PPP2R2B: variants seen among roughly 807,000 people sequenced by gnomAD.
The protein encoded by PPP2R2B is serine/threonine-protein phosphatase 2A 55 kDa regulatory subunit B beta isoform.
PPP2R2B carries 5 observed loss-of-function variants against 46.0 expected under a neutral mutation model. The observed-to-expected ratio is 0.11, with a 90% CI of 0.06 to 0.23. PPP2R2B has a LOEUF of 0.23. PPP2R2B is among the 10% of genes least tolerant of loss of function. The pLI, the probability that PPP2R2B is intolerant of heterozygous loss-of-function variation, is 1.00. For missense variants in PPP2R2B, 367 were observed against 575.0 expected (o/e 0.64, Z 3.70); for synonymous variants, 215 against 206.7 (o/e 1.04, Z -0.34).
intron 1 of PPP2R2B, among the ~76,000 whole-genome samples, chr5:146,989,639 T>C (rs955942533): frequency 1.3e-5 from 2 of 152,036 alleles, no homozygotes; most frequent in Non-Finnish European, 2.9e-5. Context: ...AGAGCTAACA[T>C]TATATGGAAT....
intron 1 of PPP2R2B, among the ~76,000 whole-genome samples, chr5:146,914,825 G>A (rs1349540627): frequency 1.3e-5 from 2 of 152,188 alleles, no homozygotes; most frequent in Admixed American, 6.5e-5. Flanking sequence ...GTGGGAGTTG[G>A]CATATCTTGT....
At position 146,590,181 on chromosome 5, in the gene PPP2R2B, G is replaced by A. The variant is rs1204566022; in HGVS notation, c.1098C>T (p.Asp366=). 2 of 1,613,720 alleles carry A rather than the reference G, an allele frequency of 1.2e-6. No individual in the cohort carries two copies. The highest frequency in any genetic ancestry group is 1.7e-6 in the Non-Finnish European group (2 of 1,179,990). The part of the protein sequence containing the change: ...GSYNNFFRMF[D]RNTKRDVTLE... ...GGGTCACATCACGCTTGGTGTTTCT[G>A]TCGAACATCCTGAAGAAGTTGTTGT... is the stretch of plus-strand genomic sequence containing the variant. The change falls in exon 10 of 10, where the codon GAC becomes GAT. Residue 366 remains aspartate, a synonymous_variant. Coordinates refer to ENST00000394411, the MANE Select transcript of PPP2R2B (RefSeq NM_181675.4).
At chr5:146,633,621 T>C in intron 7 of PPP2R2B, among the ~76,000 whole-genome samples, 1 of 152,244 alleles carries the variant, frequency 6.6e-6, no homozygotes, top group Admixed American at 6.5e-5. Flanking sequence ...TTCAGAACTC[T>C]GTTGGTGTTG....
chr5:147,044,740 A>G (rs1438403740), intron 1 of PPP2R2B, among the ~76,000 whole-genome samples: 1 of 151,934 alleles, frequency 6.6e-6, no homozygotes, highest in African/African-American at 2.4e-5. Flanking sequence ...CTGTTGGTCA[A>G]CTCCCCTGAG....
intron 1 of PPP2R2B, among the ~76,000 whole-genome samples, chr5:147,049,991 T>C (rs1175611099): frequency 6.6e-6 from 1 of 152,056 alleles, no homozygotes; most frequent in Non-Finnish European, 1.5e-5. Context: ...TTATAGCATG[T>C]GTGTGGACTG....
intron 7 of PPP2R2B, among the ~76,000 whole-genome samples, chr5:146,618,132 C>G (rs981800140): frequency 1.3e-5 from 2 of 152,180 alleles, no homozygotes; most frequent in Non-Finnish European, 2.9e-5. Context: ...AATCAGCTAA[C>G]CTTAAGACAG....
chr5:146,772,540 T>A (rs1040329708), intron 2 of PPP2R2B, among the ~76,000 whole-genome samples: 2 of 151,804 alleles, frequency 1.3e-5, no homozygotes, highest in Admixed American at 6.6e-5. Flanking sequence ...ACAACTTCTT[T>A]GTCTATATTC....
At chr5:146,671,444 C>G (rs1289715993) in intron 5 of PPP2R2B, among the ~76,000 whole-genome samples, 1 of 152,206 alleles carries the variant, frequency 6.6e-6, no homozygotes, top group Non-Finnish European at 1.5e-5. Flanking sequence ...CTGAAGGCCT[C>G]TGTCTCTCAA....
At chr5:146,979,939 G>A (rs574800980) in intron 1 of PPP2R2B, among the ~76,000 whole-genome samples, 125 of 152,246 alleles carry the variant, frequency 8.2e-4, no homozygotes, top group African/African-American at 2.9e-3. Context: ...GATAAAAGGA[G>A]AAAATGGTAC....
chr5:146,883,502 A>G (rs537740363), upstream of PPP2R2B, among the ~76,000 whole-genome samples: 1 of 152,332 alleles, frequency 6.6e-6, no homozygotes, highest in African/African-American at 2.4e-5. Flanking sequence ...TCATCTTGCA[A>G]AAAGCCCTTT....
At chr5:147,049,376 C>G (rs10476882) in intron 1 of PPP2R2B, among the ~76,000 whole-genome samples, 1 of 150,334 alleles carries the variant, frequency 6.7e-6, no homozygotes. Flanking sequence ...ACAAACAGGG[C>G]TTTTTTTTTA....
intron 1 of PPP2R2B, among the ~76,000 whole-genome samples, chr5:146,997,548 G>A (rs1753978985): frequency 6.6e-6 from 1 of 152,152 alleles, no homozygotes; most frequent in Non-Finnish European, 1.5e-5. Flanking sequence ...ATGGGGCCCA[G>A]CACTTCCCTT....
chr5:147,027,223 T>C (rs1755565620), intron 1 of PPP2R2B, among the ~76,000 whole-genome samples: 1 of 152,198 alleles, frequency 6.6e-6, no homozygotes, highest in East Asian at 1.9e-4. Flanking sequence ...TCTACAAGGA[T>C]AAGCCAACAT....
chr5:146,687,023 G>A (rs11167943), intron 5 of PPP2R2B, among the ~76,000 whole-genome samples: 124,239 of 149,336 alleles, frequency 0.83, 51,800 homozygotes, highest in East Asian at 1. Flanking sequence ...AAGTGTGTGT[G>A]TATGTGTGTG....
chr5:146,590,205 G>A lies in PPP2R2B; in HGVS notation c.1074C>T (p.Tyr358=), dbSNP rs1770468668. The A allele has an allele frequency of 6.2e-7, 1 of 1,602,934 alleles. No homozygotes were observed. Among genetic ancestry groups the A allele is most frequent in the East Asian group, 2.2e-5 (1 of 44,792 alleles). The change falls in exon 10 of 10, where the codon TAC becomes TAT. Residue 358 remains tyrosine, a synonymous_variant. Transcript: ENST00000394411. ...GSDSVIMTGS[Y]NNFFRMFDRN... ...TGTCGAACATCCTGAAGAAGTTGTTGTAGGAGCCTGTCATGATGACACTGC... is the reference window on the plus strand; with the variant it reads ...TGTCGAACATCCTGAAGAAGTTGTTATAGGAGCCTGTCATGATGACACTGC...
At chr5:147,034,181 T>C (rs913221057) in intron 1 of PPP2R2B, among the ~76,000 whole-genome samples, 4 of 152,172 alleles carry the variant, frequency 2.6e-5, no homozygotes, top group South Asian at 2.1e-4. Flanking sequence ...TGCTTTTCCC[T>C]CTGTCTAGAA....
intron 2 of PPP2R2B, among the ~76,000 whole-genome samples, chr5:146,781,336 G>T (rs1755518899): frequency 6.6e-6 from 1 of 150,812 alleles, no homozygotes; most frequent in African/African-American, 2.4e-5. Flanking sequence ...ATAATTCTCA[G>T]CTAATGACAA....
At chr5:146,924,698 G>A (rs948730395) in intron 1 of PPP2R2B, among the ~76,000 whole-genome samples, 1 of 152,100 alleles carries the variant, frequency 6.6e-6, no homozygotes, top group African/African-American at 2.4e-5. Context: ...TTTTGAATAA[G>A]GGACCATAAC....
chr5:147,024,262 C>A (rs72827248), intron 1 of PPP2R2B, among the ~76,000 whole-genome samples: 13,298 of 151,960 alleles, frequency 0.088, 976 homozygotes, highest in East Asian at 0.3. Context: ...GTCAGTACAT[C>A]AGAAAGACAT....
Sources: allele counts gnomAD v4.1 joint callset (sites outside exome capture counted in the v4.1 genomes callset), GRCh38; gene constraint gnomAD v4.1.1; transcripts MANE v1.5; gene names NCBI Gene and HGNC (gene_info 2026-07-23, HGNC 2026-07-21).